The following SI variants were observed in gnomAD, a reference collection of about 807,000 sequenced individuals.
SI encodes the protein sucrase-isomaltase, intestinal.
Under a neutral mutation model 253.3 loss-of-function variants are expected in SI, and 235 were observed. That is an observed-to-expected ratio of 0.93 (90% confidence interval 0.83 to 1.03). The LOEUF is 1.03. SI is among the 50% of genes least tolerant of loss of function. The probability of loss-of-function intolerance (pLI) is 0.00; values close to 1 mark genes in which losing one functional copy is unlikely to be tolerated. For missense variants in SI, 2,442 were observed against 2,211.1 expected, an observed-to-expected ratio of 1.10 and a Z score of -2.09; for synonymous variants, 819 against 712.0, an observed-to-expected ratio of 1.15 and a Z score of -2.39.
rs562697126 is a variant in SI, at chr3:165,006,211, C to T, written c.4406+605G>A. 1.1e-4 allele frequency among the ~76,000 whole-genome samples: 16 copies of T among 152,290 alleles called. No individual in the cohort carries two copies. In the East Asian group the frequency reaches 3.1e-3, roughly 29 times the overall value. ...GCAACCTCTGCCGCCCAGGTCCAAGCGATTCTTGTGCCTCAGCCTCCCGAG... is the reference window on the plus strand; with the variant it reads ...GCAACCTCTGCCGCCCAGGTCCAAGTGATTCTTGTGCCTCAGCCTCCCGAG... On this transcript the variant is annotated intron_variant, in intron 37 of 47. Transcript: ENST00000264382.
chr3:165,032,727 T>A, intron 23 of SI, 35 bp from the exon 24 acceptor site: 1 of 1,405,952 alleles, frequency 7.1e-7, no homozygotes, highest in Non-Finnish European at 1.0e-6. Context: ...ATATATTAGG[T>A]CATCAGATAC....
Position 165,074,677 on chromosome 3 carries a change from G to A in SI, c.119-10C>T. 6.2e-7 allele frequency: 1 copy of A among 1,602,082 alleles called. No homozygotes were observed. Among genetic ancestry groups the A allele is most frequent in the Admixed American group, 1.7e-5 (1 of 59,678 alleles). The stretch of plus-strand genomic sequence containing the variant: ...GTAGAATCACTAATTTCTGGGGGAG[G>A]AAAAAACTCAATAAAATAAAACATG... On this transcript the variant is annotated splice_polypyrimidine_tract_variant and intron_variant, in intron 2 of 47. Transcript: ENST00000264382.
At position 165,001,702 on chromosome 3, in the gene SI, G is replaced by A. The variant is rs536887964; in HGVS notation, c.4407-3029C>T. Among the ~76,000 whole-genome samples, 7 of 151,254 alleles carry A rather than the reference G, an allele frequency of 4.6e-5. No individual in the cohort carries two copies. The East Asian group carries it at 9.7e-4, about 21-fold the overall frequency. ...TGCATTTACTATCCGGTCTTGAGAC[G>A]AACAGCTGATTAATAGAAAGTTACA... On this transcript the variant is annotated intron_variant, in intron 37 of 47. Transcript: ENST00000264382.
chr3:165,043,554 G>A (rs1287764257), intron 16 of SI, among the ~76,000 whole-genome samples: 1 of 151,806 alleles, frequency 6.6e-6, no homozygotes, highest in African/African-American at 2.4e-5. Context: ...AATATAATAT[G>A]TAACTGTAGG....
intron 24 of SI, among the ~76,000 whole-genome samples, chr3:165,031,312 G>C (rs377610685): frequency 1.3e-5 from 2 of 148,246 alleles, no homozygotes; most frequent in East Asian, 2.0e-4. Flanking sequence ...ATGCACAGCA[G>C]AATTATGAAG....
intron 12 of SI, among the ~76,000 whole-genome samples, chr3:165,058,060 T>TAA (rs542890971): frequency 0.026 from 2,454 of 92,788 alleles, 73 homozygotes; most frequent in African/African-American, 0.075. Flanking sequence ...ATATTTTTTT[T>TAA]TAAAAAATTG....
chr3:165,049,784 AT>A lies in SI; in HGVS notation c.1597+6del. 6.6e-7 allele frequency: 1 copy of A among 1,520,024 alleles called. No individual in the cohort carries two copies. Among genetic ancestry groups the A allele is most frequent in the East Asian group, 2.3e-5 (1 of 44,136 alleles). The allele number at this position is 1,520,024 out of a possible 1,614,324, so 94.2% of individuals were successfully genotyped here. ...AAACAGTAATTAGATAACCAAATAA[AT>A]TTTACCAGGAGTAAACGGTGGATAA... On this transcript the variant is annotated splice_donor_region_variant and intron_variant, in intron 14 of 47. Coordinates refer to ENST00000264382, the MANE Select transcript of SI (RefSeq NM_001041.4).
chr3:165,067,512 T>G, intron 5 of SI, 21 bp from the exon 6 acceptor site: 1 of 1,584,702 alleles, frequency 6.3e-7, no homozygotes, highest in South Asian at 1.1e-5. Context: ...TTAAGCAAGG[T>G]AGCATTACTG....
the SI span, among the ~76,000 whole-genome samples, chr3:165,084,521 A>G: frequency 1.3e-5 from 2 of 152,150 alleles, no homozygotes; most frequent in East Asian, 3.9e-4. Context: ...TCTGTATAAT[A>G]TTATCCATGC....
Position 165,063,494 on chromosome 3 carries a change from T to C in SI, c.855A>G (p.Glu285=). ...CACCGAATGACTTTCCAGATGTATC[T>C]TCAATACACATAAAGAATGTTTGAT... The part of the protein sequence containing the change: ...YGHQTFFMCI[E]DTSGKSFGVF... The change falls in exon 8 of 48, where the codon GAA becomes GAG. Residue 285 remains glutamate, a synonymous_variant. Coordinates refer to ENST00000264382, the MANE Select transcript of SI (RefSeq NM_001041.4). 6.4e-7 allele frequency: 1 copy of C among 1,568,908 alleles called. No homozygotes were observed. The highest frequency in any genetic ancestry group is 1.1e-5 in the South Asian group (1 of 88,372).
chr3:165,031,032 T>A (rs1012346592), intron 24 of SI, among the ~76,000 whole-genome samples, 165 bp from the exon 25 acceptor site: 3 of 150,454 alleles, frequency 2.0e-5, no homozygotes, highest in African/African-American at 7.3e-5. Flanking sequence ...ATAGTTTTGA[T>A]AAAATACTAG....
chr3:165,010,581 A>G (rs945795200), intron 34 of SI, among the ~76,000 whole-genome samples: 1 of 152,224 alleles, frequency 6.6e-6, no homozygotes, highest in African/African-American at 2.4e-5. Context: ...CTATGCAAGG[A>G]TCTCCCGTAT....
At chr3:165,081,152 A>G (rs1430014656), upstream of SI, among the ~76,000 whole-genome samples, 1 of 152,092 alleles carries the variant, frequency 6.6e-6, no homozygotes, top group Admixed American at 6.6e-5. Flanking sequence ...AATTATAAGC[A>G]TAAGGAAGTT....
At chr3:165,004,043 A>G (rs1718385312) in intron 37 of SI, among the ~76,000 whole-genome samples, 1 of 152,156 alleles carries the variant, frequency 6.6e-6, no homozygotes, top group Non-Finnish European at 1.5e-5. Context: ...TTTGCAAAAT[A>G]ATCATTTGAC....
chr3:165,026,059 A>G (rs1711899612), intron 25 of SI, among the ~76,000 whole-genome samples: 1 of 151,360 alleles, frequency 6.6e-6, no homozygotes, highest in Admixed American at 6.6e-5. Context: ...ATAACTATTC[A>G]CCAACCAACT....
At chr3:165,042,108 ACCAATAAATTT>A (rs1403716190) in intron 17 of SI, among the ~76,000 whole-genome samples, 3 of 151,872 alleles carry the variant, frequency 2.0e-5, no homozygotes, top group African/African-American at 7.3e-5. Context: ...ACATTATTTC[ACCAATAAATTT>A]CAAAATTTAT....
chr3:164,985,814 G>A (rs1052893330), intron 45 of SI, among the ~76,000 whole-genome samples: 3 of 151,924 alleles, frequency 2.0e-5, no homozygotes, highest in African/African-American at 7.3e-5. Flanking sequence ...TCTCCTATGG[G>A]AGATTTCTGA....
chr3:165,000,971 GT>G lies in SI; in HGVS notation c.4407-2299del, dbSNP rs990295192. Among the ~76,000 whole-genome samples the G allele has an allele frequency of 4.0e-4, 60 of 151,090 alleles. No homozygotes were observed. The South Asian group carries it at 4.4e-3, about 11-fold the overall frequency. ...ATATATCTTCAATTATTATAAAAAA[GT>G]TTTTTATAGAAGTAAAACCAGAAAC... On this transcript the variant is annotated intron_variant, in intron 37 of 47. Transcript: ENST00000264382.
rs1248716048 is a variant in SI at position 165,074,570 on chromosome 3, A to G, written c.216T>C (p.Asn72=). Residue 72 remains asparagine, a synonymous_variant, in exon 3 of 48, where the codon AAT becomes AAC. Coordinates refer to ENST00000264382, the MANE Select transcript of SI (RefSeq NM_001041.4). ...GTTCTGGAATGCAGTTTATTCTCAC[A>G]TTGACAGGATCATTTAACACATTTG... ...KCPNVLNDPV[N]VRINCIPEQF... 1 of 1,609,930 alleles carries G rather than the reference A, an allele frequency of 6.2e-7. No individual in the cohort carries two copies. The highest frequency in any genetic ancestry group is 8.5e-7 in the Non-Finnish European group (1 of 1,177,456).
Sources: allele counts gnomAD v4.1 joint callset (sites outside exome capture counted in the v4.1 genomes callset), GRCh38; gene constraint gnomAD v4.1.1; transcripts MANE v1.5; gene names NCBI Gene and HGNC (gene_info 2026-07-23, HGNC 2026-07-21).